Variants in MYO3B observed in about 807,000 individuals in gnomAD.
MYO3B encodes the protein myosin IIIB, also known as myosin-IIIb.
Under a neutral mutation model 174.6 loss-of-function variants are expected in MYO3B, and 156 were observed. The observed-to-expected ratio is 0.89, with a 90% CI of 0.78 to 1.02. The LOEUF (loss-of-function observed/expected upper bound fraction) is 1.02, where lower values mean the gene tolerates loss of function less well. Among genes scored for constraint, MYO3B ranks in the 50% least tolerant of loss-of-function variants. The pLI is 0.00. For missense variants in MYO3B, 1,632 were observed against 1,639.4 expected (o/e 1.00, Z 0.08); for synonymous variants, 563 against 569.1 (o/e 0.99, Z 0.15).
At chr2:170,558,303 C>A (rs367771568) in intron 32 of MYO3B, among the ~76,000 whole-genome samples, 1,306 of 120,010 alleles carry the variant, frequency 0.011, 41 homozygotes, top group East Asian at 0.1. Context: ...ACTCTGTCTC[C>A]AAAAAAAAAA....
chr2:170,489,259 T>C (rs536007574), intron 25 of MYO3B, among the ~76,000 whole-genome samples: 40 of 152,186 alleles, frequency 2.6e-4, no homozygotes, highest in Non-Finnish European at 4.7e-4. Context: ...CAGGATCTAA[T>C]GTTTACTAAA....
At chr2:170,628,717 AC>A (rs1190168483) in intron 32 of MYO3B, among the ~76,000 whole-genome samples, 1 of 152,004 alleles carries the variant, frequency 6.6e-6, no homozygotes, top group Non-Finnish European at 1.5e-5. Context: ...ATATTACAAA[AC>A]CTACAGCCAC....
chr2:170,652,935 C>T, intron 34 of MYO3B, 48 bp from the exon 35 acceptor site: 1 of 1,608,936 alleles, frequency 6.2e-7, no homozygotes, highest in Non-Finnish European at 8.5e-7. Flanking sequence ...ATGATTGTAA[C>T]ATTTGTTTTA....
chr2:170,417,010 G>T (rs2094584865), intron 22 of MYO3B, among the ~76,000 whole-genome samples: 1 of 151,860 alleles, frequency 6.6e-6, no homozygotes. Context: ...TGTATTTTTA[G>T]TAGAGACGGG....
At chr2:170,370,274 A>G (rs2094230850) in intron 9 of MYO3B, among the ~76,000 whole-genome samples, 1 of 152,200 alleles carries the variant, frequency 6.6e-6, no homozygotes, top group Non-Finnish European at 1.5e-5. Context: ...AGTTCTGGAA[A>G]TATTCATGTA....
intron 32 of MYO3B, among the ~76,000 whole-genome samples, chr2:170,637,996 A>G (rs1041302650): frequency 6.6e-6 from 1 of 152,066 alleles, no homozygotes; most frequent in African/African-American, 2.4e-5. Context: ...TCATTTTTAC[A>G]TCTTATTAAT....
At chr2:170,369,685 ATTTTTT>A (rs56283055) in intron 9 of MYO3B, among the ~76,000 whole-genome samples, 1 of 147,342 alleles carries the variant, frequency 6.8e-6, no homozygotes, top group Non-Finnish European at 1.5e-5. Context: ...AGAAATTTGG[ATTTTTT>A]TTTTTTTTTT....
chr2:170,344,936 G>C (rs371618204), intron 8 of MYO3B: 2 of 152,284 alleles, frequency 1.3e-5, no homozygotes, highest in Non-Finnish European at 2.9e-5. Flanking sequence ...TCTGTGGCCT[G>C]TGGGATGAGA....
At chr2:170,505,857 G>C (rs933169241) in intron 28 of MYO3B, among the ~76,000 whole-genome samples, 1 of 152,230 alleles carries the variant, frequency 6.6e-6, no homozygotes, top group Admixed American at 6.5e-5. Context: ...CACACGCACA[G>C]GAGTCGGAAG....
chr2:170,221,264 A>G (rs531230553), intron 6 of MYO3B, among the ~76,000 whole-genome samples: 1 of 152,232 alleles, frequency 6.6e-6, no homozygotes, highest in African/African-American at 2.4e-5. Context: ...AGCATTGCAG[A>G]TGACTTGTGC....
chr2:170,461,009 G>A (rs1684249342), intron 23 of MYO3B, among the ~76,000 whole-genome samples: 1 of 152,136 alleles, frequency 6.6e-6, no homozygotes, highest in African/African-American at 2.4e-5. Flanking sequence ...TTCTGAGGGA[G>A]GGTAATAGGT....
chr2:170,290,705 A>T (rs1327042318), intron 7 of MYO3B, among the ~76,000 whole-genome samples: 2 of 152,108 alleles, frequency 1.3e-5, no homozygotes, highest in African/African-American at 4.8e-5. Flanking sequence ...GTAAAGACTT[A>T]TTATTGCCAT....
chr2:170,544,647 TA>T (rs1690355970), intron 32 of MYO3B, among the ~76,000 whole-genome samples: 2 of 152,348 alleles, frequency 1.3e-5, no homozygotes, highest in African/African-American at 4.8e-5. Flanking sequence ...AAATATAAAG[TA>T]ATTTCTCAGA....
rs781449289 is a variant in MYO3B at position 170,653,378 on chromosome 2, C to G, written c.*257C>G. ...GGGGCCCTGTGGGACACTGAGAACA[C>G]CTTTACAATAGTTTAAACAGTCATT... On this transcript the variant is annotated 3_prime_UTR_variant, in exon 35 of 35. Transcript: ENST00000408978. 4.1e-5 allele frequency: 20 copies of G among 489,644 alleles called. No individual in the cohort carries two copies. Among genetic ancestry groups the G allele is most frequent in the Admixed American group, 6.6e-5 (2 of 30,256 alleles). 30.3% of individuals were successfully genotyped at this position (489,644 alleles called of 1,614,324 possible).
intron 7 of MYO3B, among the ~76,000 whole-genome samples, chr2:170,274,305 G>A (rs897840724): frequency 6.6e-6 from 1 of 152,134 alleles, no homozygotes; most frequent in African/African-American, 2.4e-5. Context: ...CTTGAGGCCT[G>A]TCTGAATGTA....
chr2:170,414,354 A>T (rs1188093556), intron 22 of MYO3B, among the ~76,000 whole-genome samples: 2 of 151,902 alleles, frequency 1.3e-5, no homozygotes, highest in Non-Finnish European at 2.9e-5. Context: ...CGCCTGGCTA[A>T]TTTTTTGCAT....
At chr2:170,231,066 T>C (rs1374109433) in intron 6 of MYO3B, among the ~76,000 whole-genome samples, 1 of 152,186 alleles carries the variant, frequency 6.6e-6, no homozygotes, top group African/African-American at 2.4e-5. Flanking sequence ...GGAACAGCCA[T>C]CTTCAACAGA....
intron 25 of MYO3B, among the ~76,000 whole-genome samples, chr2:170,485,749 A>G (rs1438949093): frequency 2.0e-5 from 3 of 152,184 alleles, no homozygotes; most frequent in African/African-American, 7.2e-5. Context: ...TTCCAAGAGA[A>G]AATGATGTGC....
chr2:170,246,307 A>G (rs1438224719), intron 7 of MYO3B, among the ~76,000 whole-genome samples: 6 of 152,196 alleles, frequency 3.9e-5, no homozygotes, highest in South Asian at 4.1e-4. Flanking sequence ...GTAAAAGTAG[A>G]AAAAAGGATT....
Sources: allele counts gnomAD v4.1 joint callset (sites outside exome capture counted in the v4.1 genomes callset), GRCh38; gene constraint gnomAD v4.1.1; transcripts MANE v1.5; gene names NCBI Gene and HGNC (gene_info 2026-07-23, HGNC 2026-07-21).